The following DIAPH2 variants were observed in gnomAD, a reference collection of about 807,000 sequenced individuals.
DIAPH2 encodes protein diaphanous homolog 2.
DIAPH2 carries 35 observed loss-of-function variants against 92.7 expected under a neutral mutation model. That is an observed-to-expected ratio of 0.38 (90% CI 0.29 to 0.50). DIAPH2 has a LOEUF of 0.50. Among genes scored for constraint, DIAPH2 ranks in the 20% least tolerant of loss-of-function variants. The pLI, the probability that DIAPH2 is intolerant of heterozygous loss-of-function variation, is 0.94. For synonymous variants in DIAPH2, 301 were observed against 280.4 expected, an observed-to-expected ratio of 1.07 and a Z score of -0.73; for missense variants, 701 against 819.5, an observed-to-expected ratio of 0.86 and a Z score of 1.77.
chrX:97,064,706 C>G (rs1003696466), intron 17 of DIAPH2, among the ~76,000 whole-genome samples: 2 of 110,924 alleles, frequency 1.8e-5, no homozygotes, highest in African/African-American at 6.6e-5. Flanking sequence ...CAGGAAGGCA[C>G]AGCAAAACAC....
chrX:97,282,154 G>T (rs1162941896), intron 23 of DIAPH2, among the ~76,000 whole-genome samples: 1 of 111,690 alleles, frequency 9.0e-6, no homozygotes, highest in Non-Finnish European at 1.9e-5. Flanking sequence ...TAAACTAGAT[G>T]AAGTCTCCCA....
chrX:97,255,808 G>A (rs757819407), intron 23 of DIAPH2, among the ~76,000 whole-genome samples: 9 of 111,959 alleles, frequency 8.0e-5, no homozygotes, highest in Non-Finnish European at 1.3e-4. Context: ...TCTGAATGGA[G>A]CATATTTTTA....
At chrX:97,559,260 G>A (rs1260535996) in intron 26 of DIAPH2, among the ~76,000 whole-genome samples, 1 of 111,509 alleles carries the variant, frequency 9.0e-6, no homozygotes, top group Non-Finnish European at 1.9e-5. Context: ...GGGAGGCCAA[G>A]GCAGGTGGAT....
rs373538429 is a variant in DIAPH2, at chrX:97,550,258, C to T, written c.3242-48995C>T. On this transcript the variant is annotated intron_variant, in intron 26 of 26. Transcript: ENST00000324765. ...CCTGTAATCCCAGCTACTCCGGAGG[C>T]GGAGGCAGGAGAATCACTTGAACCC... 3.6e-5 allele frequency among the ~76,000 whole-genome samples: 4 copies of T among 111,829 alleles called. No individual in the cohort carries two copies. In the Admixed American group the frequency reaches 3.8e-4, roughly 11 times the overall value.
intron 23 of DIAPH2, among the ~76,000 whole-genome samples, chrX:97,301,865 C>T (rs1030095665): frequency 3.6e-5 from 4 of 110,690 alleles, no homozygotes; most frequent in Non-Finnish European, 7.5e-5. Flanking sequence ...CAACAAAGGA[C>T]GATAGAACTG....
In DIAPH2 at chrX:97,330,516, C is replaced by CT. The variant is rs750951678; in HGVS notation, c.2845-17586dup. On this transcript the variant is annotated intron_variant, in intron 23 of 26. Coordinates refer to ENST00000324765, the MANE Select transcript of DIAPH2 (RefSeq NM_006729.5). ...TATGACAAGATGTGTTTCTTTCTTT[C>CT]TTTTTTTTTTTTTTGAGACAGAGTC... Among the ~76,000 whole-genome samples, 939 of 100,953 alleles carry CT rather than the reference C, an allele frequency of 9.3e-3. 6 individuals carry two copies. Among genetic ancestry groups the CT allele is most frequent in the African/African-American group, 0.019 (536 of 28,039 alleles). 87.7% of individuals were successfully genotyped at this position (100,953 alleles called of 115,157 possible). A position where few individuals can be genotyped will look rare whatever the true frequency, so the allele number is the denominator to read the frequency against.
intron 26 of DIAPH2, among the ~76,000 whole-genome samples, chrX:97,514,319 G>A (rs2070921695): frequency 1.8e-5 from 2 of 112,148 alleles, no homozygotes; most frequent in South Asian, 7.4e-4. Context: ...TGAGGCTTCT[G>A]CATTCTTCAC....
At chrX:97,076,155 G>A (rs909745083) in intron 19 of DIAPH2, among the ~76,000 whole-genome samples, 1 of 112,064 alleles carries the variant, frequency 8.9e-6, no homozygotes, top group African/African-American at 3.2e-5. Flanking sequence ...CTGTGGAAGG[G>A]TATAGTCATT....
At chrX:97,103,094 G>A (rs2066916790) in intron 20 of DIAPH2, among the ~76,000 whole-genome samples, 1 of 111,977 alleles carries the variant, frequency 8.9e-6, no homozygotes, top group African/African-American at 3.2e-5. Context: ...GGGTATGTGG[G>A]TGTGTATGTG....
At position 96,958,138 on chromosome X, in the gene DIAPH2, A is replaced by G. The variant is rs746280516; in HGVS notation, c.1925A>G (p.Asn642Ser). The G allele has an allele frequency of 3.3e-6, 4 of 1,206,233 alleles. No homozygotes were observed. Among genetic ancestry groups the G allele is most frequent in the Admixed American group, 2.3e-5 (1 of 44,241 alleles). Residue 642 changes from asparagine (N) to serine (S), a missense_variant, in exon 16 of 27, where the codon AAT (asparagine) becomes AGT (serine). Asn to Ser is a conservative substitution (Grantham distance 46). This residue lies in a region of DIAPH2 where 536 missense variants were observed against 599.3 expected (regional missense o/e 0.89). Coordinates refer to ENST00000324765, the MANE Select transcript of DIAPH2 (RefSeq NM_006729.5). ...YKPEVSMKRI[N>S]WSKIEPTELS... ...CCTGAAGTGTCCATGAAGAGAATCA[A>G]TTGGTCAAAGGTAATACTAAAACTA...
intron 23 of DIAPH2, among the ~76,000 whole-genome samples, chrX:97,293,321 T>C (rs905667228): frequency 9.5e-6 from 1 of 104,842 alleles, no homozygotes; most frequent in African/African-American, 3.5e-5. Flanking sequence ...CACAATATCT[T>C]GGCTCACTGC....
In DIAPH2 at chrX:97,185,789, CAT is replaced by C. The variant is rs1297501633; in HGVS notation, c.2719+43998_2719+43999del. ...TTTGTCAATGCCCCTTCTAAAATGT[CAT>C]ATGTTATTTAACCTAATGCTTCAAA... On this transcript the variant is annotated intron_variant, in intron 22 of 26. Transcript: ENST00000324765. 2.8e-5 allele frequency among the ~76,000 whole-genome samples: 3 copies of C among 108,016 alleles called. No homozygotes were observed. The Admixed American group carries it at 3.1e-4, about 11-fold the overall frequency. 93.8% of individuals were successfully genotyped at this position (108,016 alleles called of 115,157 possible).
intron 19 of DIAPH2, among the ~76,000 whole-genome samples, chrX:97,085,421 T>C (rs1247029564): frequency 2.7e-5 from 3 of 110,900 alleles, no homozygotes; most frequent in Non-Finnish European, 5.7e-5. Context: ...TAATTTTTGT[T>C]TGTTTGTTTG....
At chrX:96,962,745 G>T (rs1404863149) in intron 16 of DIAPH2, among the ~76,000 whole-genome samples, 1 of 108,279 alleles carries the variant, frequency 9.2e-6, no homozygotes, top group East Asian at 2.9e-4. Context: ...CAATTTAATT[G>T]GTTTACATTC....
chrX:96,702,351 C>T (rs957244660), intron 1 of DIAPH2, among the ~76,000 whole-genome samples: 1 of 112,011 alleles, frequency 8.9e-6, no homozygotes, highest in African/African-American at 3.2e-5. Context: ...GAGAAGCTCA[C>T]CTCAGTGCTG....
intron 26 of DIAPH2, among the ~76,000 whole-genome samples, chrX:97,529,698 T>C (rs1368181300): frequency 8.9e-6 from 1 of 111,766 alleles, no homozygotes; most frequent in Non-Finnish European, 1.9e-5. Context: ...CATTCTAAAC[T>C]GATATAGAAA....
chrX:97,495,156 A>G (rs2070750222), intron 26 of DIAPH2, among the ~76,000 whole-genome samples: 1 of 111,892 alleles, frequency 8.9e-6, no homozygotes, highest in Non-Finnish European at 1.9e-5. Context: ...GGAAGGGGCT[A>G]ATACTAGTAA....
intron 22 of DIAPH2, among the ~76,000 whole-genome samples, chrX:97,225,396 A>C (rs2067957176): frequency 8.9e-6 from 1 of 111,773 alleles, no homozygotes; most frequent in Admixed American, 9.5e-5. Context: ...ACTGGAGCCT[A>C]ACTCACATAG....
At chrX:97,506,221 C>T (rs747506709) in intron 26 of DIAPH2, among the ~76,000 whole-genome samples, 86 of 83,294 alleles carry the variant, frequency 1.0e-3, no homozygotes, top group African/African-American at 3.8e-3. Context: ...GCCATCTTGG[C>T]TCACTGCAAC....
Sources: gnomAD v4.1 joint callset for allele counts (sites outside exome capture counted in the v4.1 genomes callset) on GRCh38, gnomAD v4.1.1 for gene constraint, gnomAD v4.1.1 regional missense constraint, MANE v1.5 for transcripts, NCBI Gene and HGNC (gene_info 2026-07-23, HGNC 2026-07-21) for gene names.